Variants in TRAP1 observed in about 807,000 individuals in gnomAD.
TRAP1 encodes TNF receptor associated protein 1.
A neutral mutation model predicts 89.1 loss-of-function variants in TRAP1; 102 were observed. That is an observed-to-expected ratio of 1.15 (90% CI 0.98 to 1.35). TRAP1 has a LOEUF of 1.35. TRAP1 is among the 40% of genes most tolerant of loss of function. The pLI is 0.00. For missense variants in TRAP1, 1,256 were observed against 945.3 expected, an observed-to-expected ratio of 1.33 and a Z score of -4.31; for synonymous variants, 508 against 388.0, an observed-to-expected ratio of 1.31 and a Z score of -3.64.
chr16:3,662,159 T>G (rs531597549), intron 15 of TRAP1, 27 bp from the exon 16 acceptor site: 2 of 1,595,206 alleles, frequency 1.3e-6, no homozygotes, highest in Admixed American at 3.4e-5. Context: ...GGGTTGAGGG[T>G]GATAGAGGTT....
At position 3,675,539 on chromosome 16, in the gene TRAP1, C is replaced by T. The variant is rs1488103094; in HGVS notation, c.815-142G>A. The T allele has an allele frequency of 4.1e-6, 3 of 736,110 alleles. No individual in the cohort carries two copies. The African/African-American group carries it at 5.2e-5, about 13-fold the overall frequency. The allele number at this position is 736,110 out of a possible 1,614,324, so 45.6% of individuals were successfully genotyped here. A position where few individuals can be genotyped will look rare whatever the true frequency, so the allele number is the denominator to read the frequency against. ...ACTTCACAGGTACAGAAACAGGGCA[C>T]AGTGGGGACACCTGTCCTCCCCCCA... On this transcript the variant is annotated intron_variant, in intron 7 of 17. Transcript: ENST00000246957.
chr16:3,687,653 A>G (rs1356128545), intron 3 of TRAP1, among the ~76,000 whole-genome samples: 2 of 152,164 alleles, frequency 1.3e-5, no homozygotes, highest in Admixed American at 6.6e-5. Context: ...GGAGGCTGAA[A>G]CAGGCAGATC....
intron 11 of TRAP1, among the ~76,000 whole-genome samples, chr16:3,667,547 T>G (rs182454015): frequency 6.6e-6 from 1 of 150,684 alleles, no homozygotes; most frequent in Admixed American, 6.6e-5. Context: ...ATCGCTTGAA[T>G]CCGGGAGGCA....
At chr16:3,670,574 C>T (rs1208243521) in intron 11 of TRAP1, among the ~76,000 whole-genome samples, 1 of 151,664 alleles carries the variant, frequency 6.6e-6, no homozygotes, top group Non-Finnish European at 1.5e-5. Flanking sequence ...CATGGTAGCT[C>T]ACACTTGTAG....
In TRAP1 at chr16:3,671,588, C is replaced by A. The variant is rs2050913298; in HGVS notation, c.1235+134G>T. 5.7e-6 allele frequency: 5 copies of A among 884,394 alleles called. No individual in the cohort carries two copies. In the Admixed American group the frequency reaches 1.1e-4, roughly 19 times the overall value. The allele number at this position is 884,394 out of a possible 1,614,324, so 54.8% of individuals were successfully genotyped here. A position where few individuals can be genotyped will look rare whatever the true frequency, so the allele number is the denominator to read the frequency against. The stretch of plus-strand genomic sequence containing the variant: ...GCACCTGGAAGGCTCCTGAGGGCCC[C>A]CATGTGCAGGCCGGGCTTCCCCGAC... On this transcript the variant is annotated intron_variant, in intron 11 of 17. Coordinates refer to ENST00000246957, the MANE Select transcript of TRAP1 (RefSeq NM_016292.3).
chr16:3,666,647 T>C (rs1011063378), intron 11 of TRAP1, among the ~76,000 whole-genome samples: 3 of 152,132 alleles, frequency 2.0e-5, no homozygotes, highest in African/African-American at 4.8e-5. Context: ...AATCCCAATG[T>C]GGGTAAATTA....
intron 1 of TRAP1, among the ~76,000 whole-genome samples, chr16:3,698,688 C>A (rs953323562): frequency 6.6e-6 from 1 of 151,990 alleles, no homozygotes; most frequent in Non-Finnish European, 1.5e-5. Context: ...CGGGGGGTCG[C>A]TTCAGCTCAG....
intron 4 of TRAP1, among the ~76,000 whole-genome samples, chr16:3,682,691 CA>C (rs1381009032): frequency 2.0e-5 from 3 of 151,606 alleles, no homozygotes; most frequent in Non-Finnish European, 4.4e-5. Flanking sequence ...CCATGCCTGG[CA>C]AAAAAAATAA....
chr16:3,680,483 T>A (rs1303389038), intron 4 of TRAP1, among the ~76,000 whole-genome samples: 1 of 152,240 alleles, frequency 6.6e-6, no homozygotes, highest in African/African-American at 2.4e-5. Context: ...TCCAGCAGAA[T>A]GATCTGACTG....
intron 1 of TRAP1, among the ~76,000 whole-genome samples, chr16:3,704,924 A>G (rs1037991717): frequency 3.3e-5 from 5 of 152,202 alleles, no homozygotes; most frequent in African/African-American, 7.2e-5. Context: ...AGTAAAAATA[A>G]AAGCTAAAAG....
At position 3,664,368 on chromosome 16, in the gene TRAP1, G is replaced by T. The variant is rs1304201059; in HGVS notation, c.1475C>A (p.Ala492Asp). Residue 492 changes from alanine to aspartate, a missense_variant, in exon 13 of 18, where the codon GCC becomes GAC. Coordinates refer to ENST00000246957, the MANE Select transcript of TRAP1 (RefSeq NM_016292.3). ...SLSEYASRMR[A>D]GTRNIYYLCA... ...CAGGTAGTAGATGTTGCGGGTGCCG[G>T]CCCGCATGCGGCTGGCGTATTCTGA... 3 of 1,612,868 alleles carry T rather than the reference G, an allele frequency of 1.9e-6. No homozygotes were observed. The highest frequency in any genetic ancestry group is 2.5e-6 in the Non-Finnish European group (3 of 1,179,562).
At chr16:3,671,921 A>T in intron 10 of TRAP1, 130 bp from the exon 11 acceptor site, 1 of 958,748 alleles carries the variant, frequency 1.0e-6, no homozygotes, top group Non-Finnish European at 1.6e-6. Flanking sequence ...GGAAGCAGGG[A>T]GGCGGCACTG....
intron 1 of TRAP1, among the ~76,000 whole-genome samples, chr16:3,699,416 C>T (rs986394365): frequency 6.6e-6 from 1 of 152,138 alleles, no homozygotes; most frequent in Non-Finnish European, 1.5e-5. Context: ...GCGGGTGGAT[C>T]ACCTGAGGTC....
chr16:3,670,275 C>T (rs564395245), intron 11 of TRAP1, among the ~76,000 whole-genome samples: 25 of 146,062 alleles, frequency 1.7e-4, no homozygotes, highest in Admixed American at 7.8e-4. Context: ...CCAGCTGAGA[C>T]GGGAGGCTGA....
chr16:3,690,721 C>T (rs2051202312), intron 2 of TRAP1, 106 bp downstream of exon 2: 4 of 1,197,252 alleles, frequency 3.3e-6, no homozygotes, highest in Admixed American at 3.1e-5. Flanking sequence ...GATTTCACAC[C>T]TAAGGCGGTG....
chr16:3,697,107 A>G (rs375378862), intron 1 of TRAP1, among the ~76,000 whole-genome samples: 5 of 152,176 alleles, frequency 3.3e-5, no homozygotes, highest in South Asian at 4.1e-4. Context: ...TCCCACAGCA[A>G]TGTACTAAAG....
At chr16:3,682,518 T>A (rs2051085909) in intron 4 of TRAP1, among the ~76,000 whole-genome samples, 1 of 151,920 alleles carries the variant, frequency 6.6e-6, no homozygotes, top group Non-Finnish European at 1.5e-5. Context: ...GCCTCCCGAG[T>A]AGCTGGGACT....
At chr16:3,686,961 C>T (rs2051146674) in intron 3 of TRAP1, 1 of 152,168 alleles carries the variant, frequency 6.6e-6, no homozygotes, top group South Asian at 2.1e-4. Flanking sequence ...GAGAGAGACT[C>T]TGTCTCAAAA....
intron 1 of TRAP1, among the ~76,000 whole-genome samples, chr16:3,701,118 C>G (rs2051359426): frequency 1.3e-5 from 2 of 151,944 alleles, no homozygotes; most frequent in Admixed American, 1.3e-4. Flanking sequence ...TACATACCAT[C>G]CAAAAAGTGT....
Sources: gnomAD v4.1 joint callset for allele counts (sites outside exome capture counted in the v4.1 genomes callset) on GRCh38, gnomAD v4.1.1 for gene constraint, MANE v1.5 for transcripts, NCBI Gene and HGNC (gene_info 2026-07-23, HGNC 2026-07-21) for gene names.